Variants in GMDS observed in about 807,000 individuals in gnomAD.
GMDS encodes GDP-mannose 4,6 dehydratase.
In GMDS, 20 loss-of-function variants were observed where a neutral mutation model predicts 49.9. That is an observed-to-expected ratio of 0.40 (90% CI 0.28 to 0.58). The LOEUF is 0.58. GMDS is among the 20% of genes least tolerant of loss of function. GMDS has a pLI of 0.42. For synonymous variants in GMDS, 177 were observed against 178.6 expected (o/e 0.99, Z 0.07); for missense variants, 362 against 481.4 (o/e 0.75, Z 2.32).
chr6:1,728,406 C>A (rs1204106126), intron 8 of GMDS, among the ~76,000 whole-genome samples: 1 of 152,134 alleles, frequency 6.6e-6, no homozygotes, highest in African/African-American at 2.4e-5. Flanking sequence ...CAGATACTTG[C>A]GTGATAGTAC....
intron 9 of GMDS, among the ~76,000 whole-genome samples, chr6:1,714,190 T>C (rs569822051): frequency 1.3e-5 from 2 of 152,240 alleles, no homozygotes; most frequent in South Asian, 4.1e-4. Flanking sequence ...GCTAATTTTT[T>C]TGTATTTTTA....
At chr6:2,131,541 G>A (rs897243753) in intron 1 of GMDS, among the ~76,000 whole-genome samples, 12 of 152,054 alleles carry the variant, frequency 7.9e-5, no homozygotes, top group South Asian at 4.1e-4. Flanking sequence ...AACTTACAAT[G>A]GAGTCCAAGA....
Position 2,115,824 on chromosome 6 carries a change from T to A in GMDS, c.292A>T (p.Asn98Tyr). ...TAGATCTCTGTGGGCTTTACTTCAT[T>A]AATGATCTTCACAAGGCAGGTACTG... ...TDSTCLVKII[N>Y]EVKPTEIYNL... The change falls in exon 4 of 11, where the codon AAT (asparagine) becomes TAT (tyrosine). Residue 98 changes from asparagine to tyrosine, a missense_variant. Coordinates refer to ENST00000380815, the MANE Select transcript of GMDS (RefSeq NM_001500.4). The A allele has an allele frequency of 1.9e-6, 3 of 1,611,108 alleles. No individual in the cohort carries two copies. The South Asian group carries it at 3.3e-5, about 18-fold the overall frequency.
intron 1 of GMDS, among the ~76,000 whole-genome samples, chr6:2,129,524 A>T (rs1775622592): frequency 6.6e-6 from 1 of 152,206 alleles, no homozygotes; most frequent in Non-Finnish European, 1.5e-5. Flanking sequence ...TGGGCTAAAG[A>T]AACCACACCA....
chr6:2,079,127 A>C (rs1427386296), intron 4 of GMDS, among the ~76,000 whole-genome samples: 1 of 145,676 alleles, frequency 6.9e-6, no homozygotes, highest in African/African-American at 2.5e-5. Context: ...CGTGTGGAGT[A>C]ATTTTTTCCA....
intron 7 of GMDS, among the ~76,000 whole-genome samples, chr6:1,779,702 G>A (rs1768999083): frequency 6.6e-6 from 1 of 152,170 alleles, no homozygotes; most frequent in Non-Finnish European, 1.5e-5. Context: ...ACTCAATCAT[G>A]GATGCGAACC....
intron 4 of GMDS, among the ~76,000 whole-genome samples, chr6:2,084,764 C>T (rs2127471169): frequency 6.6e-6 from 1 of 152,272 alleles, no homozygotes; most frequent in South Asian, 2.1e-4. Context: ...GCCTCAGCTT[C>T]CCAAAGTGCT....
intron 7 of GMDS, among the ~76,000 whole-genome samples, chr6:1,752,458 C>T (rs944223062): frequency 6.6e-6 from 1 of 152,188 alleles, no homozygotes; most frequent in African/African-American, 2.4e-5. Flanking sequence ...TTGGAAAACA[C>T]TCTTCAGGAT....
chr6:1,639,101 T>C (rs61524499), intron 9 of GMDS, among the ~76,000 whole-genome samples: 3,766 of 152,084 alleles, frequency 0.025, 160 homozygotes, highest in African/African-American at 0.086. Context: ...GGCTAGCAGA[T>C]AAGGAGGTGG....
intron 1 of GMDS, among the ~76,000 whole-genome samples, chr6:2,146,384 C>T (rs1776560676): frequency 6.6e-6 from 1 of 152,034 alleles, no homozygotes; most frequent in Non-Finnish European, 1.5e-5. Context: ...AGTTACAGGG[C>T]AAGAGGAAGG....
At chr6:2,162,241 G>T (rs894274432) in intron 1 of GMDS, among the ~76,000 whole-genome samples, 1 of 152,154 alleles carries the variant, frequency 6.6e-6, no homozygotes, top group African/African-American at 2.4e-5. Context: ...TTCTAATCAT[G>T]CTTCTGCCCC....
intron 7 of GMDS, among the ~76,000 whole-genome samples, chr6:1,858,051 C>T (rs1758017744): frequency 1.3e-5 from 2 of 152,086 alleles, no homozygotes; most frequent in South Asian, 2.1e-4. Context: ...ATGTATTATA[C>T]TTACGAAGAT....
intron 7 of GMDS, among the ~76,000 whole-genome samples, chr6:1,794,572 T>C (rs984646705): frequency 6.6e-6 from 1 of 152,156 alleles, no homozygotes; most frequent in African/African-American, 2.4e-5. Context: ...TTGGCCTCAG[T>C]TTGACTTCAT....
intron 9 of GMDS, among the ~76,000 whole-genome samples, chr6:1,705,901 C>T (rs1027697329): frequency 2.0e-5 from 3 of 152,168 alleles, no homozygotes; most frequent in African/African-American, 4.8e-5. Context: ...ACCCACACAG[C>T]AATGAGAAGG....
intron 7 of GMDS, among the ~76,000 whole-genome samples, chr6:1,845,436 T>C (rs963974986): frequency 1.3e-5 from 2 of 152,232 alleles, no homozygotes; most frequent in Non-Finnish European, 2.9e-5. Context: ...TTGAAGATTA[T>C]AGTAGAATAA....
intron 7 of GMDS, among the ~76,000 whole-genome samples, chr6:1,897,370 T>C (rs1246448824): frequency 1.3e-5 from 2 of 152,186 alleles, no homozygotes; most frequent in Non-Finnish European, 2.9e-5. Context: ...CATTCTGAGG[T>C]ACTGGGGGTT....
At chr6:2,215,702 G>T (rs1780302041) in intron 1 of GMDS, among the ~76,000 whole-genome samples, 1 of 151,910 alleles carries the variant, frequency 6.6e-6, no homozygotes, top group African/African-American at 2.4e-5. Flanking sequence ...AGGGGGAAAG[G>T]AGGTAATTAA....
chr6:1,867,574 C>T (rs1209012998), intron 7 of GMDS, among the ~76,000 whole-genome samples: 1 of 152,200 alleles, frequency 6.6e-6, no homozygotes, highest in African/African-American at 2.4e-5. Flanking sequence ...GACACCTACC[C>T]AGCCAAAAGC....
chr6:1,928,042 C>T (rs1762109515), intron 7 of GMDS, among the ~76,000 whole-genome samples: 1 of 152,074 alleles, frequency 6.6e-6, no homozygotes, highest in South Asian at 2.1e-4. Context: ...CGATTTGGTT[C>T]CTTGAACTTG....
Sources: allele counts gnomAD v4.1 joint callset (sites outside exome capture counted in the v4.1 genomes callset), GRCh38; gene constraint gnomAD v4.1.1; transcripts MANE v1.5; gene names NCBI Gene and HGNC (gene_info 2026-07-23, HGNC 2026-07-21).